MCC: variants seen among roughly 807,000 people sequenced by gnomAD.
MCC encodes the protein MCC regulator of Wnt signaling pathway, also known as colorectal mutant cancer protein.
MCC carries 90 observed loss-of-function variants against 116.2 expected under a neutral mutation model. That is an observed-to-expected ratio of 0.77 (90% CI 0.65 to 0.92). The LOEUF is 0.92. Ranked by LOEUF, MCC falls within the 40% of genes least tolerant of loss-of-function variation. MCC has a pLI of 0.00. For missense variants in MCC, 1,516 were observed against 1,312.2 expected (o/e 1.16, Z -2.40); for synonymous variants, 578 against 510.5 (o/e 1.13, Z -1.78).
At chr5:113,400,245 C>A (rs978805578) in intron 1 of MCC, among the ~76,000 whole-genome samples, 4 of 151,058 alleles carry the variant, frequency 2.6e-5, no homozygotes, top group African/African-American at 9.7e-5. Flanking sequence ...GCCTCAGCCT[C>A]CCGAGTAGCT....
At chr5:113,170,753 C>T (rs1445235745) in intron 3 of MCC, among the ~76,000 whole-genome samples, 1 of 151,970 alleles carries the variant, frequency 6.6e-6, no homozygotes, top group African/African-American at 2.4e-5. Context: ...ATAGACTTTT[C>T]GTGATGTGGT....
intron 17 of MCC, 152 bp downstream of exon 17, chr5:113,043,378 G>A: frequency 1.4e-6 from 1 of 691,408 alleles, no homozygotes; most frequent in Non-Finnish European, 2.6e-6. Context: ...GAAAGGCCTG[G>A]CACCAACAGG....
At chr5:113,293,694 G>A (rs534520404) in intron 3 of MCC, among the ~76,000 whole-genome samples, 1 of 152,254 alleles carries the variant, frequency 6.6e-6, no homozygotes, top group South Asian at 2.1e-4. Flanking sequence ...GGTTACAGTG[G>A]GAGCCCAGGA....
chr5:113,400,840 A>G (rs79921138), intron 1 of MCC, among the ~76,000 whole-genome samples: 1 of 152,168 alleles, frequency 6.6e-6, no homozygotes, highest in Admixed American at 6.5e-5. Context: ...CAGATGTAGA[A>G]TCTTACAGTG....
At chr5:113,149,452 C>T (rs1759721209) in intron 4 of MCC, among the ~76,000 whole-genome samples, 1 of 151,952 alleles carries the variant, frequency 6.6e-6, no homozygotes, top group Non-Finnish European at 1.5e-5. Flanking sequence ...ATAGTATTAA[C>T]ATCCTATAGT....
intron 1 of MCC, among the ~76,000 whole-genome samples, chr5:113,410,560 C>T (rs888017047): frequency 1.3e-5 from 2 of 152,006 alleles, no homozygotes; most frequent in African/African-American, 2.4e-5. Context: ...TCTGACACTG[C>T]GGGATAGTAA....
chr5:113,388,060 A>G (rs1005687735), intron 1 of MCC, among the ~76,000 whole-genome samples: 7 of 152,208 alleles, frequency 4.6e-5, no homozygotes, highest in African/African-American at 1.7e-4. Context: ...TGAGAAACTC[A>G]GCTCTATCCA....
At chr5:113,122,974 AATAG>A (rs1175191763) in intron 5 of MCC, 148 bp from the exon 6 acceptor site, 9 of 791,122 alleles carry the variant, frequency 1.1e-5, no homozygotes, top group South Asian at 3.6e-5. Context: ...TCCCAGGCGA[AATAG>A]ATAGTCACAT....
In MCC at chr5:113,461,813, T is replaced by C. The variant is rs953699478; in HGVS notation, c.170+26432A>G. 4.0e-5 allele frequency among the ~76,000 whole-genome samples: 6 copies of C among 149,724 alleles called. No individual in the cohort carries two copies. The South Asian group carries it at 6.3e-4, about 16-fold the overall frequency. ...CAATAATTGTGGAAGCTACAGATTA[T>C]AGTAGAGATGTTCTACTCCAAAGGG... On this transcript the variant is annotated intron_variant, in intron 1 of 18. Transcript: ENST00000408903.
At chr5:113,231,329 T>C (rs1475467990) in intron 3 of MCC, among the ~76,000 whole-genome samples, 1 of 152,172 alleles carries the variant, frequency 6.6e-6, no homozygotes, top group East Asian at 1.9e-4. Context: ...TCAGTTTGTA[T>C]TACATTCTCA....
chr5:113,323,750 G>C (rs1200018703), intron 3 of MCC, among the ~76,000 whole-genome samples: 1 of 151,986 alleles, frequency 6.6e-6, no homozygotes, highest in Non-Finnish European at 1.5e-5. Context: ...GCCTGGAGCA[G>C]TAATGCACAA....
chr5:113,472,374 A>G (rs1772118327), intron 1 of MCC, among the ~76,000 whole-genome samples: 1 of 152,230 alleles, frequency 6.6e-6, no homozygotes, highest in South Asian at 2.1e-4. Flanking sequence ...ATTCACCAAT[A>G]AAGCCTAGTT....
intron 3 of MCC, among the ~76,000 whole-genome samples, chr5:113,250,374 G>A (rs1391568984): frequency 6.6e-6 from 1 of 152,202 alleles, no homozygotes; most frequent in African/African-American, 2.4e-5. Context: ...GTTTACACAA[G>A]AAGAAAAGGA....
At chr5:113,433,811 A>T in intron 1 of MCC, 1 of 1,613,722 alleles carries the variant, frequency 6.2e-7, no homozygotes, top group Non-Finnish European at 8.5e-7. Flanking sequence ...TGCTGGGGAA[A>T]CCCAGGATCT....
intron 1 of MCC, among the ~76,000 whole-genome samples, chr5:113,479,245 T>G (rs1772310904): frequency 6.6e-6 from 1 of 152,200 alleles, no homozygotes; most frequent in Non-Finnish European, 1.5e-5. Context: ...ATGATTCCAT[T>G]TATGTGAAAT....
chr5:113,353,428 T>G (rs930663644), intron 2 of MCC, among the ~76,000 whole-genome samples: 3 of 152,222 alleles, frequency 2.0e-5, no homozygotes, highest in Non-Finnish European at 4.4e-5. Flanking sequence ...TTATGTCATT[T>G]TATTTGTTTA....
rs185946066 is a variant in MCC, at chr5:113,480,169, A to G, written c.170+8076T>C. Reference sequence around the variant, plus strand: ...GATGTATATAAATTTGTAGTTCTTTAGATAAGCAAACTACCATATTCTCCA... The same window carrying G: ...GATGTATATAAATTTGTAGTTCTTTGGATAAGCAAACTACCATATTCTCCA... On this transcript the variant is annotated intron_variant, in intron 1 of 18. Coordinates refer to ENST00000408903, the MANE Select transcript of MCC (RefSeq NM_001085377.2). 2.0e-5 allele frequency among the ~76,000 whole-genome samples: 3 copies of G among 152,346 alleles called. No individual in the cohort carries two copies. In the East Asian group the frequency reaches 5.8e-4, roughly 29 times the overall value.
At chr5:113,242,823 T>C (rs1490139845) in intron 3 of MCC, among the ~76,000 whole-genome samples, 2 of 152,028 alleles carry the variant, frequency 1.3e-5, no homozygotes, top group Admixed American at 1.3e-4. Context: ...AACTGTGTAC[T>C]GTGGAAATCG....
chr5:113,179,049 A>C (rs1289799643), intron 3 of MCC, among the ~76,000 whole-genome samples: 1 of 152,140 alleles, frequency 6.6e-6, no homozygotes, highest in African/African-American at 2.4e-5. Flanking sequence ...CTACTATCTC[A>C]TGTACCATCC....
Sources: allele counts gnomAD v4.1 joint callset (sites outside exome capture counted in the v4.1 genomes callset), GRCh38; gene constraint gnomAD v4.1.1; transcripts MANE v1.5; gene names NCBI Gene and HGNC (gene_info 2026-07-23, HGNC 2026-07-21).